Variants in STRBP observed in about 807,000 individuals in gnomAD.
STRBP encodes spermatid perinuclear RNA binding protein.
In STRBP, 13 loss-of-function variants were observed where a neutral mutation model predicts 80.1. That is an observed-to-expected ratio of 0.16 (90% CI 0.11 to 0.26). STRBP has a LOEUF of 0.26. Among genes scored for constraint, STRBP ranks in the 10% least tolerant of loss-of-function variants. The probability of loss-of-function intolerance (pLI) is 1.00; values close to 1 mark genes in which losing one functional copy is unlikely to be tolerated. For synonymous variants in STRBP, 284 were observed against 291.2 expected (o/e 0.98, Z 0.25); for missense variants, 485 against 815.2 (o/e 0.59, Z 4.93).
chr9:123,156,149 G>GA (rs765670269), intron 11 of STRBP, among the ~76,000 whole-genome samples: 22 of 151,106 alleles, frequency 1.5e-4, no homozygotes, highest in Non-Finnish European at 2.4e-4. Context: ...ATATAAAACC[G>GA]AAAGAGTGGT....
chr9:123,132,610 A>G (rs577647747), intron 17 of STRBP, among the ~76,000 whole-genome samples: 2 of 152,342 alleles, frequency 1.3e-5, no homozygotes, highest in East Asian at 3.9e-4. Flanking sequence ...ACAGTCCCAC[A>G]ACCAAATGCA....
intron 1 of STRBP, among the ~76,000 whole-genome samples, chr9:123,250,894 G>A (rs1486797243): frequency 6.6e-6 from 1 of 152,148 alleles, no homozygotes; most frequent in Non-Finnish European, 1.5e-5. Flanking sequence ...GAAGCAGGAG[G>A]ATGGCTTGTA....
At chr9:123,249,085 T>C (rs1345111214) in intron 1 of STRBP, among the ~76,000 whole-genome samples, 2 of 152,222 alleles carry the variant, frequency 1.3e-5, no homozygotes, top group African/African-American at 4.8e-5. Context: ...TTATCTCTTA[T>C]TAAGGCTGTA....
chr9:123,225,480 T>G (rs965433683), intron 2 of STRBP, among the ~76,000 whole-genome samples: 3 of 152,174 alleles, frequency 2.0e-5, no homozygotes, highest in Non-Finnish European at 4.4e-5. Flanking sequence ...CACATCTGAA[T>G]CCTCTTTCCT....
chr9:123,249,696 T>C (rs1004459649), intron 1 of STRBP, among the ~76,000 whole-genome samples: 4 of 152,176 alleles, frequency 2.6e-5, no homozygotes, highest in Non-Finnish European at 5.9e-5. Context: ...TAAAAAAATA[T>C]AAAGCAACCG....
At chr9:123,193,260 C>T (rs575381416) in intron 2 of STRBP, among the ~76,000 whole-genome samples, 1 of 152,262 alleles carries the variant, frequency 6.6e-6, no homozygotes, top group South Asian at 2.1e-4. Context: ...TCAGCAGAGG[C>T]TCAATAGAAT....
intron 2 of STRBP, among the ~76,000 whole-genome samples, chr9:123,218,386 G>T (rs1294215029): frequency 5.9e-5 from 7 of 118,668 alleles, no homozygotes; most frequent in Non-Finnish European, 9.6e-5. Flanking sequence ...TTTTTGAGAC[G>T]GAGTCTCGCT....
chr9:123,206,707 C>T (rs545382579), intron 2 of STRBP, among the ~76,000 whole-genome samples: 2 of 151,990 alleles, frequency 1.3e-5, no homozygotes, highest in African/African-American at 4.8e-5. Context: ...AGCGCAATCT[C>T]GGCTCATCAC....
At chr9:123,257,494 A>T (rs1429241231) in intron 1 of STRBP, among the ~76,000 whole-genome samples, 3 of 152,156 alleles carry the variant, frequency 2.0e-5, no homozygotes, top group Non-Finnish European at 2.9e-5. Context: ...GTAAGCTCAT[A>T]AAAGTATAAA....
At chr9:123,219,624 T>C (rs984404689) in intron 2 of STRBP, among the ~76,000 whole-genome samples, 2 of 152,226 alleles carry the variant, frequency 1.3e-5, no homozygotes, top group Admixed American at 6.5e-5. Context: ...TACTGTTAAA[T>C]TGATGAACGT....
At chr9:123,155,234 A>C (rs2037232033) in intron 11 of STRBP, among the ~76,000 whole-genome samples, 1 of 152,258 alleles carries the variant, frequency 6.6e-6, no homozygotes, top group Non-Finnish European at 1.5e-5. Context: ...CAGATGAATA[A>C]GGAGGTAGAG....
chr9:123,263,571 CTG>C (rs1220159893), intron 1 of STRBP, among the ~76,000 whole-genome samples: 1 of 148,770 alleles, frequency 6.7e-6, no homozygotes, highest in African/African-American at 2.5e-5. Context: ...TACATTTTTG[CTG>C]TGTCAATCAT....
intron 4 of STRBP, 42 bp from the exon 5 acceptor site, chr9:123,173,884 C>A: frequency 6.4e-7 from 1 of 1,557,380 alleles, no homozygotes; most frequent in Non-Finnish European, 8.7e-7. Flanking sequence ...CAACCTATTT[C>A]CCAAACTATA....
At chr9:123,235,005 G>A (rs201741666) in intron 2 of STRBP, among the ~76,000 whole-genome samples, 1 of 146,962 alleles carries the variant, frequency 6.8e-6, no homozygotes. Flanking sequence ...TTGGGGGGGG[G>A]GGGTACTGGG....
chr9:123,180,345 C>A (rs1018566199), intron 3 of STRBP, among the ~76,000 whole-genome samples: 2 of 152,120 alleles, frequency 1.3e-5, no homozygotes, highest in African/African-American at 4.8e-5. Flanking sequence ...CTATAAAAAA[C>A]ATTAAAATAG....
intron 6 of STRBP, among the ~76,000 whole-genome samples, chr9:123,168,635 C>G (rs2037873392): frequency 6.6e-6 from 1 of 152,158 alleles, no homozygotes; most frequent in South Asian, 2.1e-4. Flanking sequence ...AGGGAGTAAG[C>G]AATGGGACTT....
chr9:123,118,249 A>G (rs1360782868), downstream of STRBP, among the ~76,000 whole-genome samples: 4 of 152,122 alleles, frequency 2.6e-5, no homozygotes, highest in African/African-American at 4.8e-5. Flanking sequence ...CAAGATACAA[A>G]TGTTGGCATC....
chr9:123,224,274 T>A (rs1304642778), intron 2 of STRBP, among the ~76,000 whole-genome samples: 1 of 152,198 alleles, frequency 6.6e-6, no homozygotes, highest in Non-Finnish European at 1.5e-5. Context: ...TTGTAACTAT[T>A]TCCTAACAGC....
At chr9:123,159,034 T>C in intron 9 of STRBP, 62 bp downstream of exon 9, 1 of 1,356,376 alleles carries the variant, frequency 7.4e-7, no homozygotes, top group Non-Finnish European at 1.1e-6. Context: ...AGCATATATT[T>C]AGAAAAATAA....
Sources: gnomAD v4.1 joint callset for allele counts (sites outside exome capture counted in the v4.1 genomes callset) on GRCh38, gnomAD v4.1.1 for gene constraint, MANE v1.5 for transcripts, NCBI Gene and HGNC (gene_info 2026-07-23, HGNC 2026-07-21) for gene names.